The following ARL2 variants were observed in gnomAD, a reference collection of about 807,000 sequenced individuals.
ARL2 encodes the protein ARF like GTPase 2.
ARL2 carries 11 observed loss-of-function variants against 22.0 expected under a neutral mutation model. That is an observed-to-expected ratio of 0.50 (90% CI 0.31 to 0.83). The LOEUF is 0.83. Among genes scored for constraint, ARL2 ranks in the 40% least tolerant of loss-of-function variants. The pLI is 0.04. For missense variants in ARL2, 216 were observed against 243.2 expected (o/e 0.89, Z 0.74); for synonymous variants, 111 against 100.8 (o/e 1.10, Z -0.61).
At chr11:65,017,623 T>C (rs1315172534) in intron 1 of ARL2, among the ~76,000 whole-genome samples, 1 of 152,132 alleles carries the variant, frequency 6.6e-6, no homozygotes, top group Non-Finnish European at 1.5e-5. Context: ...TTCCAGGGGC[T>C]AAGGCTGGGC....
Position 65,018,909 on chromosome 11 carries a change from T to A in ARL2, c.339+176T>A, listed in dbSNP as rs1374062980. Reference sequence around the variant, plus strand: ...GCAGGACACATGCTGTGGACTGAGATTGAGTTAACGTCCCTGTGGTGTTAC... The same window carrying A: ...GCAGGACACATGCTGTGGACTGAGAATGAGTTAACGTCCCTGTGGTGTTAC... On this transcript the variant is annotated intron_variant, in intron 3 of 4. Transcript: ENST00000246747. The surrounding 1 kb of genome is among the most constrained non-coding windows in gnomAD (Gnocchi z 4.2). The A allele has an allele frequency of 1.3e-6, 2 of 1,533,016 alleles. No individual in the cohort carries two copies. The highest frequency in any genetic ancestry group is 1.7e-6 in the Non-Finnish European group (2 of 1,145,524). The allele number at this position is 1,533,016 out of a possible 1,614,324, so 95.0% of individuals were successfully genotyped here.
At chr11:65,021,484 C>A in intron 4 of ARL2, 1 of 451,824 alleles carries the variant, frequency 2.2e-6, no homozygotes, top group Non-Finnish European at 4.0e-6. Flanking sequence ...TGCTCAGGAG[C>A]CCATGCTGCA....
At chr11:65,021,385 C>G in intron 4 of ARL2, 1 of 252,478 alleles carries the variant, frequency 4.0e-6, no homozygotes, top group Non-Finnish European at 7.6e-6. Flanking sequence ...GTGAAATGGT[C>G]GACACAATCC....
chr11:65,017,896 CA>C (rs1352153025), intron 1 of ARL2, among the ~76,000 whole-genome samples: 1 of 152,220 alleles, frequency 6.6e-6, no homozygotes, highest in African/African-American at 2.4e-5. Context: ...CTTAGTTCTT[CA>C]AAAAGCTTGC....
At chr11:65,019,578 A>C (rs188536141) in intron 3 of ARL2, 2 of 152,794 alleles carry the variant, frequency 1.3e-5, no homozygotes, top group African/African-American at 4.8e-5. Flanking sequence ...AAGATAGTAC[A>C]GAGGTCAGAG....
At chr11:65,014,432 A>G (rs187217070) in intron 1 of ARL2, among the ~76,000 whole-genome samples, 160 bp downstream of exon 1, 48 of 152,084 alleles carry the variant, frequency 3.2e-4, no homozygotes, top group Non-Finnish European at 5.9e-4. Flanking sequence ...GGCCGGGAGG[A>G]GCCGCACCCC....
intron 1 of ARL2, among the ~76,000 whole-genome samples, chr11:65,016,342 AGGACTGGTGAGGAGGGCAGTATGGCT>A (rs1192082495): frequency 1.3e-5 from 2 of 151,412 alleles, no homozygotes; most frequent in Non-Finnish European, 2.9e-5. Flanking sequence ...GCGTGTTCAG[AGGACTGGTGAGGAGGGCAGTATGGCT>A]GGAGTGGGGA....
Position 65,021,769 on chromosome 11 carries a change from T to C in ARL2, c.469T>C (p.Cys157Arg). ...CAGCCACCACTGGTGCATCCAGGGCTGCAGCGCCGTCACCGGGGAGAACCT... is the reference window on the plus strand; with the variant it reads ...CAGCCACCACTGGTGCATCCAGGGCCGCAGCGCCGTCACCGGGGAGAACCT... Reference protein sequence around the residue: ...IRSHHWCIQGCSAVTGENLLP... With the variant: ...IRSHHWCIQGRSAVTGENLLP... The change falls in exon 5 of 5, where the codon TGC (cysteine) becomes CGC (arginine). Residue 157 changes from cysteine to arginine, a missense_variant. Transcript: ENST00000246747. 6.2e-7 allele frequency: 1 copy of C among 1,612,700 alleles called. No individual in the cohort carries two copies. The highest frequency in any genetic ancestry group is 8.5e-7 in the Non-Finnish European group (1 of 1,179,856).
Position 65,022,170 on chromosome 11 carries a change from C to T in ARL2, c.*315C>T, listed in dbSNP as rs761289343. The T allele has an allele frequency of 9.1e-5, 32 of 352,224 alleles. No individual in the cohort carries two copies. Among genetic ancestry groups the T allele is most frequent in the South Asian group, 3.8e-4 (9 of 23,526 alleles). The allele number at this position is 352,224 out of a possible 1,614,324, so 21.8% of individuals were successfully genotyped here. A position where few individuals can be genotyped will look rare whatever the true frequency, so the allele number is the denominator to read the frequency against. On this transcript the variant is annotated 3_prime_UTR_variant, in exon 5 of 5. Coordinates refer to ENST00000246747, the MANE Select transcript of ARL2 (RefSeq NM_001667.4). ...TCCTTCACTCAGTTGTGAAATAAAC[C>T]GCTCCTTGCCCCGATTCCTGGCTGA...
At chr11:65,021,658 G>C (rs2136913800) in intron 4 of ARL2, 63 bp from the exon 5 acceptor site, 2 of 1,523,800 alleles carry the variant, frequency 1.3e-6, no homozygotes, top group Non-Finnish European at 8.8e-7. Context: ...GGGAGGGAAG[G>C]GGCTGACGGC....
intron 4 of ARL2, 62 bp from the exon 5 acceptor site, chr11:65,021,659 G>A: frequency 6.6e-7 from 1 of 1,525,592 alleles, no homozygotes; most frequent in Non-Finnish European, 8.8e-7. Flanking sequence ...GGAGGGAAGG[G>A]GCTGACGGCA....
At chr11:65,020,285 G>T (rs538423732) in intron 3 of ARL2, 134 bp from the exon 4 acceptor site, 5 of 751,418 alleles carry the variant, frequency 6.7e-6, no homozygotes, top group Admixed American at 2.1e-5. Flanking sequence ...TCACTCCTGG[G>T]CCTCTCCCAC....
chr11:65,014,754 G>A (rs1946229775), intron 1 of ARL2, among the ~76,000 whole-genome samples: 1 of 152,206 alleles, frequency 6.6e-6, no homozygotes, highest in African/African-American at 2.4e-5. Flanking sequence ...TTGGTGTTAC[G>A]CGGCCCGTGG....
rs1946290325 is a variant in ARL2 at position 65,018,752 on chromosome 11, TTG to T, written c.339+23_339+24del. 1 of 1,613,270 alleles carries T rather than the reference TTG, an allele frequency of 6.2e-7. No individual in the cohort carries two copies. The highest frequency in any genetic ancestry group is 1.7e-5 in the Admixed American group (1 of 59,984). ...GGAGGAGGTGGGCAGCTCCTACCCTTTGTGTACATGTATGGACGTGTGGCTGC... is the reference window on the plus strand; with the variant it reads ...GGAGGAGGTGGGCAGCTCCTACCCTTTGTACATGTATGGACGTGTGGCTGC... On this transcript the variant is annotated intron_variant, in intron 3 of 4. Coordinates refer to ENST00000246747, the MANE Select transcript of ARL2 (RefSeq NM_001667.4). The surrounding 1 kb of genome is among the most constrained non-coding windows in gnomAD (Gnocchi z 4.2).
At chr11:65,016,240 G>C (rs1399614131) in intron 1 of ARL2, among the ~76,000 whole-genome samples, 1 of 135,854 alleles carries the variant, frequency 7.4e-6, no homozygotes. Flanking sequence ...GTACATGAGG[G>C]AGGCGAGGGT....
At position 65,018,631 on chromosome 11, in the gene ARL2, C is replaced by T. The variant is rs1397870621; in HGVS notation, c.237C>T (p.Asn79=). 1 of 1,614,022 alleles carries T rather than the reference C, an allele frequency of 6.2e-7. No homozygotes were observed. The highest frequency in any genetic ancestry group is 1.1e-5 in the South Asian group (1 of 91,050). ...AGTCCCTGCGGTCCTACTGGCGGAA[C>T]TACTTTGAGAGCACCGATGGCCTCA... is the stretch of plus-strand genomic sequence containing the variant. ...GQKSLRSYWR[N]YFESTDGLIW... is the part of the protein sequence containing the mutation. The change falls in exon 3 of 5, where the codon AAC becomes AAT. Residue 79 remains asparagine, a synonymous_variant. Coordinates refer to ENST00000246747, the MANE Select transcript of ARL2 (RefSeq NM_001667.4). This position sits in a 1 kb window ranked among gnomAD's most constrained non-coding sequence, Gnocchi z 4.2.
In ARL2 at chr11:65,018,387, C is replaced by A; in HGVS notation, c.89C>A (p.Thr30Lys). Reference sequence around the variant, plus strand: ...AGTGGCCTGGACAATGCTGGAAAGACAACCATCCTGAAGAAGTTCAATGGG... The same window carrying A: ...AGTGGCCTGGACAATGCTGGAAAGAAAACCATCCTGAAGAAGTTCAATGGG... ...LMLGLDNAGK[T>K]TILKKFNGED... Residue 30 changes from threonine (T) to lysine (K), a missense_variant, in exon 2 of 5, where the codon ACA (threonine) becomes AAA (lysine). Thr to Lys is a moderately conservative substitution (Grantham distance 78). Transcript: ENST00000246747. This position sits in a 1 kb window ranked among gnomAD's most constrained non-coding sequence, Gnocchi z 4.2. The A allele has an allele frequency of 6.2e-7, 1 of 1,607,056 alleles. No individual in the cohort carries two copies.
chr11:65,017,119 T>C (rs530539356), intron 1 of ARL2, among the ~76,000 whole-genome samples: 1 of 151,766 alleles, frequency 6.6e-6, no homozygotes, highest in East Asian at 1.9e-4. Context: ...CACAAACAAC[T>C]ATTTTGAGAT....
intron 4 of ARL2, chr11:65,021,500 A>C: frequency 2.1e-6 from 1 of 481,444 alleles, no homozygotes; most frequent in Non-Finnish European, 3.7e-6. Context: ...CTGCATTTAC[A>C]TCACTAAGGG....
Sources: gnomAD v4.1 joint callset for allele counts (sites outside exome capture counted in the v4.1 genomes callset) on GRCh38, gnomAD v4.1.1 for gene constraint, Gnocchi (gnomAD v3.1) non-coding constraint, MANE v1.5 for transcripts, NCBI Gene and HGNC (gene_info 2026-07-23, HGNC 2026-07-21) for gene names.